Variants in CTNNA2 observed in about 807,000 individuals in gnomAD.
The protein encoded by CTNNA2 is catenin alpha-2.
A neutral mutation model predicts 101.0 loss-of-function variants in CTNNA2; 42 were observed. The observed-to-expected ratio is 0.42, with a 90% CI of 0.32 to 0.54. The LOEUF (loss-of-function observed/expected upper bound fraction) is 0.54, where lower values mean the gene tolerates loss of function less well. Ranked by LOEUF, CTNNA2 falls within the 20% of genes least tolerant of loss-of-function variation. The probability of loss-of-function intolerance (pLI) is 0.14; values close to 1 mark genes in which losing one functional copy is unlikely to be tolerated. For missense variants in CTNNA2, 871 were observed against 1,223.1 expected, an observed-to-expected ratio of 0.71 and a Z score of 4.29; for synonymous variants, 450 against 456.4, an observed-to-expected ratio of 0.99 and a Z score of 0.18.
chr2:80,149,774 T>TCTCTCACACA (rs377159450), intron 7 of CTNNA2, among the ~76,000 whole-genome samples: 1 of 143,298 alleles, frequency 7.0e-6, no homozygotes, highest in African/African-American at 2.6e-5. Context: ...TTAGAATGGA[T>TCTCTCACACA]CACACACACA....
At chr2:79,325,422 T>C (rs964469178) in intron 3 of CTNNA2, among the ~76,000 whole-genome samples, 1 of 152,206 alleles carries the variant, frequency 6.6e-6, no homozygotes, top group Non-Finnish European at 1.5e-5. Flanking sequence ...ATTGTTTTCA[T>C]TGTTTTCTTC....
chr2:79,415,316 A>G (rs1255621732), intron 4 of CTNNA2, among the ~76,000 whole-genome samples: 1 of 152,122 alleles, frequency 6.6e-6, no homozygotes, highest in Non-Finnish European at 1.5e-5. Context: ...TGTTTGTAAG[A>G]TTCCTGAGAC....
At chr2:79,626,059 A>G (rs540369739) in intron 1 of CTNNA2, among the ~76,000 whole-genome samples, 21 of 152,084 alleles carry the variant, frequency 1.4e-4, no homozygotes, top group Non-Finnish European at 2.5e-4. Context: ...ACCATTTTCT[A>G]CTTCATCTAT....
At chr2:79,939,166 T>C (rs1303906087) in intron 7 of CTNNA2, among the ~76,000 whole-genome samples, 3 of 137,926 alleles carry the variant, frequency 2.2e-5, no homozygotes, top group African/African-American at 7.6e-5. Flanking sequence ...TATTGTTTTG[T>C]TAGCAATTTT....
rs67176913 is a variant in CTNNA2 at position 80,250,182 on chromosome 2, GGAGAGA to G, written c.1057-143011_1057-143006del. 0.012 allele frequency among the ~76,000 whole-genome samples: 1,726 copies of G among 142,084 alleles called. 133 individuals are homozygous for G. The South Asian group carries it at 0.23, about 19-fold the overall frequency. The allele number at this position is 142,084 out of a possible 152,430, so 93.2% of individuals were successfully genotyped here. On this transcript the variant is annotated intron_variant, in intron 7 of 18. Coordinates refer to ENST00000402739, the MANE Select transcript of CTNNA2 (RefSeq NM_001282597.3). Reference sequence around the variant, plus strand: ...TTTGTAGATAGATACATGGATGGGGGGAGAGAGAGAGAGAGAGAGAGAGTGTGTGTG... The same window carrying G: ...TTTGTAGATAGATACATGGATGGGGGGAGAGAGAGAGAGAGAGTGTGTGTG...
chr2:80,221,907 G>A (rs1708598177), intron 7 of CTNNA2, among the ~76,000 whole-genome samples: 1 of 152,164 alleles, frequency 6.6e-6, no homozygotes, highest in Admixed American at 6.5e-5. Context: ...ATTGCCTCCA[G>A]TTGTATGGCT....
At chr2:79,579,340 T>TC (rs570509052) in intron 1 of CTNNA2, among the ~76,000 whole-genome samples, 18 of 151,380 alleles carry the variant, frequency 1.2e-4, no homozygotes, top group Non-Finnish European at 1.8e-4. Flanking sequence ...GCTACCTGGA[T>TC]CCCCCCTGTG....
intron 7 of CTNNA2, among the ~76,000 whole-genome samples, chr2:79,931,306 C>A (rs1048642096): frequency 6.6e-6 from 1 of 152,056 alleles, no homozygotes; most frequent in African/African-American, 2.4e-5. Flanking sequence ...TTTTAAAATG[C>A]AAAATTTAAT....
chr2:80,519,326 T>A (rs1341238199), intron 9 of CTNNA2, among the ~76,000 whole-genome samples: 1 of 152,184 alleles, frequency 6.6e-6, no homozygotes, highest in Non-Finnish European at 1.5e-5. Context: ...CAGAAACGCA[T>A]TGCCAAATCC....
intron 3 of CTNNA2, among the ~76,000 whole-genome samples, chr2:79,762,947 C>T (rs1239981209): frequency 1.5e-4 from 23 of 152,236 alleles, no homozygotes; most frequent in East Asian, 1.9e-4. Context: ...GCTGTACTGT[C>T]GGGCTCTGTA....
intron 4 of CTNNA2, among the ~76,000 whole-genome samples, chr2:79,487,250 C>T (rs1223208761): frequency 5.8e-3 from 6 of 1,026 alleles, no homozygotes; most frequent in Non-Finnish European, 8.0e-3. Flanking sequence ...ATATTCTATA[C>T]GTTGCAAAAA....
chr2:79,608,302 G>A (rs1381063745), intron 1 of CTNNA2, among the ~76,000 whole-genome samples: 2 of 151,982 alleles, frequency 1.3e-5, no homozygotes, highest in Non-Finnish European at 2.9e-5. Context: ...TTTATGTGAT[G>A]TGGCTTTATC....
intron 9 of CTNNA2, among the ~76,000 whole-genome samples, chr2:80,422,771 A>C (rs1680643412): frequency 6.6e-6 from 1 of 152,160 alleles, no homozygotes; most frequent in African/African-American, 2.4e-5. Flanking sequence ...AAATGAATTG[A>C]AAATTTTTTC....
At chr2:79,696,501 G>A (rs990245833) in intron 2 of CTNNA2, among the ~76,000 whole-genome samples, 6 of 152,034 alleles carry the variant, frequency 3.9e-5, no homozygotes, top group Non-Finnish European at 7.4e-5. Flanking sequence ...TGGATGAAAA[G>A]GGGCCACATA....
At chr2:79,979,822 C>A (rs1429988022) in intron 7 of CTNNA2, among the ~76,000 whole-genome samples, 1 of 152,128 alleles carries the variant, frequency 6.6e-6, no homozygotes, top group Admixed American at 6.5e-5. Flanking sequence ...CAATTCCTAG[C>A]AACTAATGCA....
chr2:79,358,976 A>C (rs1311118032), intron 3 of CTNNA2, among the ~76,000 whole-genome samples: 1 of 152,150 alleles, frequency 6.6e-6, no homozygotes. Context: ...GTTCATTTTA[A>C]AAAATATAAC....
intron 15 of CTNNA2, among the ~76,000 whole-genome samples, chr2:80,596,648 T>C (rs180875114): frequency 1.4e-3 from 206 of 152,226 alleles, no homozygotes; most frequent in African/African-American, 4.8e-3. Flanking sequence ...TCATGTCATC[T>C]GCAAACAGAG....
intron 3 of CTNNA2, among the ~76,000 whole-genome samples, chr2:79,836,834 A>T (rs1679402713): frequency 6.6e-6 from 1 of 152,062 alleles, no homozygotes; most frequent in Non-Finnish European, 1.5e-5. Context: ...CAGTGGCATG[A>T]TCATGGCTTA....
intron 7 of CTNNA2, among the ~76,000 whole-genome samples, chr2:80,208,346 T>A (rs1707661354): frequency 1.3e-5 from 2 of 152,134 alleles, no homozygotes; most frequent in African/African-American, 4.8e-5. Flanking sequence ...AATAGATGGG[T>A]GGATAGATAG....
Sources: allele counts gnomAD v4.1 joint callset (sites outside exome capture counted in the v4.1 genomes callset), GRCh38; gene constraint gnomAD v4.1.1; transcripts MANE v1.5; gene names NCBI Gene and HGNC (gene_info 2026-07-23, HGNC 2026-07-21).